The following METTL16 variants were observed in gnomAD, a reference collection of about 807,000 sequenced individuals.
METTL16 encodes methyltransferase 16, RNA N6-adenosine, also known as RNA N(6)-adenosine-methyltransferase METTL16.
Under a neutral mutation model 57.9 loss-of-function variants are expected in METTL16, and 19 were observed. That is an observed-to-expected ratio of 0.33 (90% CI 0.23 to 0.48). The LOEUF (loss-of-function observed/expected upper bound fraction) is 0.48, where lower values mean the gene tolerates loss of function less well. Among genes scored for constraint, METTL16 ranks in the 20% least tolerant of loss-of-function variants. The probability of loss-of-function intolerance (pLI) is 0.99; values close to 1 mark genes in which losing one functional copy is unlikely to be tolerated. For synonymous variants in METTL16, 246 were observed against 255.6 expected (o/e 0.96, Z 0.36); for missense variants, 434 against 691.5 (o/e 0.63, Z 4.18).
At chr17:2,450,403 T>A (rs2067060019) in intron 6 of METTL16, among the ~76,000 whole-genome samples, 1 of 152,178 alleles carries the variant, frequency 6.6e-6, no homozygotes, top group African/African-American at 2.4e-5. Flanking sequence ...CACAAAACTG[T>A]TGTGACAGAA....
chr17:2,459,222 AC>A (rs2067131648), intron 6 of METTL16, among the ~76,000 whole-genome samples: 1 of 152,236 alleles, frequency 6.6e-6, no homozygotes, highest in Admixed American at 6.5e-5. Context: ...AAGGCTCTTC[AC>A]AGAGTCCAAC....
intron 4 of METTL16, among the ~76,000 whole-genome samples, chr17:2,472,371 G>A (rs150561908): frequency 7.2e-4 from 109 of 152,332 alleles, no homozygotes; most frequent in African/African-American, 2.5e-3. Context: ...TACTCTGGAA[G>A]ACAGTTTAGT....
At chr17:2,441,236 A>ATG (rs1483696502) in intron 7 of METTL16, among the ~76,000 whole-genome samples, 1 of 152,204 alleles carries the variant, frequency 6.6e-6, no homozygotes, top group Non-Finnish European at 1.5e-5. Context: ...TAGGAGTTAA[A>ATG]TAATGTGTAC....
At chr17:2,511,137 G>T (rs534745119) in intron 1 of METTL16, among the ~76,000 whole-genome samples, 3 of 151,804 alleles carry the variant, frequency 2.0e-5, no homozygotes, top group African/African-American at 7.3e-5. Flanking sequence ...TCAGCCCATG[G>T]ACTGGAACTT....
At chr17:2,454,658 G>C (rs1345878515) in intron 6 of METTL16, among the ~76,000 whole-genome samples, 1 of 148,828 alleles carries the variant, frequency 6.7e-6, no homozygotes, top group Non-Finnish European at 1.5e-5. Context: ...ACTGTCTCCT[G>C]GGTTCAAGCA....
At chr17:2,478,080 C>A (rs897549726) in intron 2 of METTL16, among the ~76,000 whole-genome samples, 195 bp from the exon 3 acceptor site, 1 of 152,182 alleles carries the variant, frequency 6.6e-6, no homozygotes, top group African/African-American at 2.4e-5. Flanking sequence ...TCAGTACAAT[C>A]CTCCACCAAA....
chr17:2,503,110 G>T (rs1340662168), intron 1 of METTL16, among the ~76,000 whole-genome samples: 1 of 152,128 alleles, frequency 6.6e-6, no homozygotes, highest in African/African-American at 2.4e-5. Context: ...ATTCCCAAAA[G>T]AACTGAAAGG....
intron 3 of METTL16, among the ~76,000 whole-genome samples, chr17:2,474,405 AAAG>A (rs1218937662): frequency 8.0e-4 from 121 of 151,718 alleles, no homozygotes; most frequent in Middle Eastern, 3.4e-3. Flanking sequence ...AAAAAAAAAA[AAAG>A]CTAAACTAAA....
chr17:2,489,380 C>T (rs2067366945), intron 2 of METTL16, among the ~76,000 whole-genome samples: 1 of 151,988 alleles, frequency 6.6e-6, no homozygotes, highest in African/African-American at 2.4e-5. Flanking sequence ...TTCGGCCGGG[C>T]GCAGTGGCTC....
At chr17:2,447,595 G>T (rs1354416172) in intron 6 of METTL16, among the ~76,000 whole-genome samples, 1 of 102,762 alleles carries the variant, frequency 9.7e-6, no homozygotes, top group African/African-American at 5.4e-5. Context: ...TCAGCCCCCC[G>T]CCCGGCCAGC....
chr17:2,448,781 T>TAAAATAAAAAAAAAAAAAAAAAAAAAA (rs2067040612), intron 6 of METTL16, among the ~76,000 whole-genome samples: 1 of 33,696 alleles, frequency 3.0e-5, no homozygotes, highest in Non-Finnish European at 6.7e-5. Flanking sequence ...AATAAAAAAA[T>TAAAATAAAAAAAAAAAAAAAAAAAAAA]AAAAAAATAA....
chr17:2,500,931 A>G (rs952071124), intron 2 of METTL16, among the ~76,000 whole-genome samples: 3 of 152,080 alleles, frequency 2.0e-5, no homozygotes, highest in Non-Finnish European at 4.4e-5. Flanking sequence ...AGTCTGGCCA[A>G]CATGGTGAAA....
rs560894479 is a variant in METTL16, at chr17:2,458,699, AAGACTCTGAC to A, written c.728+5499_728+5508del. ...CTCACTGCAGCCTGGGTGACAGAGCAAGACTCTGACACACACACACATACACACACACTCA... is the reference window on the plus strand; with the variant it reads ...CTCACTGCAGCCTGGGTGACAGAGCAACACACACACATACACACACACTCA... On this transcript the variant is annotated intron_variant, in intron 6 of 9. Transcript: ENST00000263092. 1.4e-4 allele frequency among the ~76,000 whole-genome samples: 21 copies of A among 152,142 alleles called. No individual in the cohort carries two copies. The South Asian group carries it at 4.2e-3, about 30-fold the overall frequency.
At chr17:2,425,958 AAACT>A (rs1020920288) in intron 8 of METTL16, among the ~76,000 whole-genome samples, 4 of 152,012 alleles carry the variant, frequency 2.6e-5, no homozygotes, top group African/African-American at 9.7e-5. Context: ...ATCAGCCAAG[AAACT>A]TTCACATGTG....
chr17:2,489,230 A>C (rs2067365835), intron 2 of METTL16, among the ~76,000 whole-genome samples: 1 of 152,110 alleles, frequency 6.6e-6, no homozygotes, highest in Non-Finnish European at 1.5e-5. Flanking sequence ...TACAAGCATA[A>C]AGCAGCTTGA....
intron 2 of METTL16, among the ~76,000 whole-genome samples, chr17:2,490,006 C>T (rs1165855537): frequency 2.0e-5 from 3 of 151,966 alleles, no homozygotes; most frequent in Non-Finnish European, 4.4e-5. Context: ...GTATGAAGAG[C>T]GTTCCTCAAT....
Position 2,420,350 on chromosome 17 carries a change from G to A in METTL16, c.1309C>T (p.Arg437Trp), listed in dbSNP as rs577950706. Residue 437 changes from arginine to tryptophan, a missense_variant, in exon 10 of 10, where the codon CGG becomes TGG. Coordinates refer to ENST00000263092, the MANE Select transcript of METTL16 (RefSeq NM_024086.4). This position sits in a 1 kb window ranked among gnomAD's most constrained non-coding sequence, Gnocchi z 5.4. The part of the protein sequence containing the change: ...QERTPCGPAL[R>W]EGEAAAVEGP... ...TCCACAGCGGCAGCCTCGCCTTCCC[G>A]CAGAGCAGGCCCACAGGGGGTCCTC... is the stretch of plus-strand genomic sequence containing the variant. The A allele has an allele frequency of 3.1e-5, 50 of 1,611,596 alleles. No homozygotes were observed. The Middle Eastern group carries it at 5.0e-4, about 16-fold the overall frequency.
rs747231057 is a variant in METTL16 at position 2,420,775 on chromosome 17, C to G, written c.1018G>C (p.Val340Leu). 6.2e-7 allele frequency: 1 copy of G among 1,614,188 alleles called. No individual in the cohort carries two copies. Among genetic ancestry groups the G allele is most frequent in the Non-Finnish European group, 8.5e-7 (1 of 1,180,030 alleles). Residue 340 changes from valine (V) to leucine (L), a missense_variant, in exon 9 of 10, where the codon GTC becomes CTC. Transcript: ENST00000263092. The surrounding 1 kb of genome is among the most constrained non-coding windows in gnomAD (Gnocchi z 5.4). ...TTTTCAATCCATGTCGTGACAACGA[C>G]TATGCCTTCCGCCGTCTCCGAGCGC... is the stretch of plus-strand genomic sequence containing the variant. ...PLRSETAEGI[V>L]VVTTWIEKIL...
intron 2 of METTL16, among the ~76,000 whole-genome samples, chr17:2,479,085 C>G (rs530115997): frequency 6.6e-6 from 1 of 152,230 alleles, no homozygotes; most frequent in East Asian, 1.9e-4. Flanking sequence ...CAAAATACTG[C>G]TAAACTGAAA....
Sources: gnomAD v4.1 joint callset for allele counts (sites outside exome capture counted in the v4.1 genomes callset) on GRCh38, gnomAD v4.1.1 for gene constraint, Gnocchi (gnomAD v3.1) non-coding constraint, MANE v1.5 for transcripts, NCBI Gene and HGNC (gene_info 2026-07-23, HGNC 2026-07-21) for gene names.